The following COP1 variants were observed in gnomAD, a reference collection of about 807,000 sequenced individuals.
COP1 encodes the protein COP1 E3 ubiquitin ligase, also known as E3 ubiquitin-protein ligase COP1.
COP1 carries 24 observed loss-of-function variants against 101.3 expected under a neutral mutation model. That is an observed-to-expected ratio of 0.24 (90% CI 0.17 to 0.33). The LOEUF (loss-of-function observed/expected upper bound fraction) is 0.33, where lower values mean the gene tolerates loss of function less well. COP1 is among the 10% of genes least tolerant of loss of function. The pLI is 1.00. For missense variants in COP1, 663 were observed against 906.2 expected, an observed-to-expected ratio of 0.73 and a Z score of 3.45; for synonymous variants, 347 against 341.9, an observed-to-expected ratio of 1.01 and a Z score of -0.17.
intron 15 of COP1, among the ~76,000 whole-genome samples, chr1:176,004,933 GTT>G (rs1662724851): frequency 1.3e-5 from 2 of 151,696 alleles, no homozygotes; most frequent in Non-Finnish European, 2.9e-5. Flanking sequence ...AATGGTACCA[GTT>G]CCTCCTTGTA....
intron 18 of COP1, among the ~76,000 whole-genome samples, chr1:175,966,293 ACACACACAC>A (rs760247058): frequency 8.5e-6 from 1 of 118,192 alleles, no homozygotes; most frequent in East Asian, 2.0e-4. Flanking sequence ...ACACACACAC[ACACACACAC>A]ACACACACAC....
intron 1 of COP1, chr1:176,206,262 T>C: frequency 2.8e-6 from 1 of 359,142 alleles, no homozygotes. Context: ...CCAACTTTGT[T>C]ATCCAAAACC....
rs145632669 is a variant in COP1, at chr1:175,968,926, G to A, written c.2133+18017C>T. Among the ~76,000 whole-genome samples, 400 of 152,274 alleles carry A rather than the reference G, an allele frequency of 2.6e-3. 3 individuals are homozygous for A. Among genetic ancestry groups the A allele is most frequent in the African/African-American group, 9.2e-3 (382 of 41,546 alleles). On this transcript the variant is annotated intron_variant, in intron 18 of 19. Coordinates refer to ENST00000367669, the MANE Select transcript of COP1 (RefSeq NM_022457.7). Reference sequence around the variant, plus strand: ...TTAATATCTCTGGATGATCTTCTGAGTAAAGCTTGAGAAAAATGTGCTTAC... The same window carrying A: ...TTAATATCTCTGGATGATCTTCTGAATAAAGCTTGAGAAAAATGTGCTTAC...
chr1:176,056,260 T>C (rs1198533132), intron 11 of COP1, among the ~76,000 whole-genome samples: 1 of 152,232 alleles, frequency 6.6e-6, no homozygotes, highest in Non-Finnish European at 1.5e-5. Context: ...AGAAGGTATA[T>C]TCTTTATAAA....
chr1:176,203,423 C>T (rs1057045667), intron 1 of COP1, among the ~76,000 whole-genome samples: 8 of 152,194 alleles, frequency 5.3e-5, no homozygotes, highest in Non-Finnish European at 1.0e-4. Flanking sequence ...ATGGCTGGGA[C>T]TTGCAGAGGT....
chr1:175,955,777 C>CACACAA (rs1650563380), intron 18 of COP1, among the ~76,000 whole-genome samples: 1 of 149,602 alleles, frequency 6.7e-6, no homozygotes, highest in Admixed American at 6.6e-5. Flanking sequence ...CACACACACA[C>CACACAA]ACACACACAC....
rs145148561 is a variant in COP1, at chr1:175,988,745, A to G, written c.1848-333T>C. On this transcript the variant is annotated intron_variant, in intron 16 of 19. Coordinates refer to ENST00000367669, the MANE Select transcript of COP1 (RefSeq NM_022457.7). Reference sequence around the variant, plus strand: ...CTACTTGGGAGGCTGAGGCAGGAGAATCACTTGAACCTGGGGGGCAGATGC... The same window carrying G: ...CTACTTGGGAGGCTGAGGCAGGAGAGTCACTTGAACCTGGGGGGCAGATGC... 3.9e-3 allele frequency: 711 copies of G among 183,160 alleles called. 7 individuals carry two copies. Among genetic ancestry groups the G allele is most frequent in the African/African-American group, 0.015 (655 of 42,800 alleles). The allele number at this position is 183,160 out of a possible 1,614,324, so 11.3% of individuals were successfully genotyped here.
chr1:176,117,632 C>T (rs770496801), intron 8 of COP1, among the ~76,000 whole-genome samples: 4 of 152,202 alleles, frequency 2.6e-5, no homozygotes, highest in South Asian at 2.1e-4. Flanking sequence ...CGGTCGCTCA[C>T]GCCTGTAATC....
chr1:176,186,683 C>T (rs1353900430), intron 1 of COP1, among the ~76,000 whole-genome samples: 9 of 152,284 alleles, frequency 5.9e-5, no homozygotes. Flanking sequence ...TGAACCAGAT[C>T]ATTCTACCTG....
chr1:176,206,983 A>G lies in COP1; in HGVS notation c.-5T>C. On this transcript the variant is annotated 5_prime_UTR_variant, in exon 1 of 20. Transcript: ENST00000367669. ...GGCCTGGCGGCTACCAGACATCGTGACTCCCTCCCCTCCAGCCGGGCGCTC... is the reference window on the plus strand; with the variant it reads ...GGCCTGGCGGCTACCAGACATCGTGGCTCCCTCCCCTCCAGCCGGGCGCTC... The G allele has an allele frequency of 7.3e-7, 1 of 1,371,686 alleles. No individual in the cohort carries two copies. The highest frequency in any genetic ancestry group is 9.4e-7 in the Non-Finnish European group (1 of 1,066,426). The allele number at this position is 1,371,686 out of a possible 1,614,324, so 85.0% of individuals were successfully genotyped here.
At chr1:176,027,057 G>T (rs930311740) in intron 15 of COP1, among the ~76,000 whole-genome samples, 1 of 152,070 alleles carries the variant, frequency 6.6e-6, no homozygotes, top group Non-Finnish European at 1.5e-5. Flanking sequence ...TTTACCAAAT[G>T]ATTATTTGGT....
chr1:176,058,289 G>T (rs1405238840), intron 11 of COP1, among the ~76,000 whole-genome samples: 2 of 152,132 alleles, frequency 1.3e-5, no homozygotes, highest in African/African-American at 4.8e-5. Flanking sequence ...CATTGAGAAC[G>T]GGCCATGATG....
At chr1:176,052,138 C>T (rs1248899083) in intron 11 of COP1, among the ~76,000 whole-genome samples, 1 of 152,106 alleles carries the variant, frequency 6.6e-6, no homozygotes, top group Non-Finnish European at 1.5e-5. Flanking sequence ...GCCCTATACA[C>T]GTGTACCAGT....
At chr1:176,021,676 A>G (rs1666773334) in intron 15 of COP1, among the ~76,000 whole-genome samples, 1 of 152,212 alleles carries the variant, frequency 6.6e-6, no homozygotes, top group African/African-American at 2.4e-5. Flanking sequence ...CAATGATAGG[A>G]AAGAACTGAA....
chr1:176,120,916 G>A (rs538294048), intron 8 of COP1, among the ~76,000 whole-genome samples: 14 of 152,034 alleles, frequency 9.2e-5, no homozygotes, highest in African/African-American at 3.4e-4. Context: ...ATTTTTAATC[G>A]ATGAGCAAAA....
At chr1:176,161,526 G>T (rs977781940) in intron 5 of COP1, among the ~76,000 whole-genome samples, 9 of 152,002 alleles carry the variant, frequency 5.9e-5, no homozygotes, top group African/African-American at 2.2e-4. Context: ...TGAGCCCAGG[G>T]GGTAGAGGAT....
chr1:176,002,246 T>C (rs1310053130), intron 15 of COP1, among the ~76,000 whole-genome samples: 7 of 152,162 alleles, frequency 4.6e-5, no homozygotes, highest in Non-Finnish European at 1.0e-4. Context: ...TCCAGGTTTG[T>C]GAAGTTCATT....
intron 12 of COP1, 23 bp downstream of exon 12, chr1:176,046,158 T>C (rs781250425): frequency 3.8e-6 from 6 of 1,582,818 alleles, no homozygotes; most frequent in Non-Finnish European, 5.2e-6. Context: ...TACTGCATCA[T>C]GTCAAGAAAA....
chr1:176,046,130 T>G, intron 12 of COP1, 51 bp downstream of exon 12: 2 of 1,421,664 alleles, frequency 1.4e-6, no homozygotes, highest in East Asian at 2.3e-5. Context: ...TAATTACATA[T>G]GCAAATTGTT....
Sources: allele counts gnomAD v4.1 joint callset (sites outside exome capture counted in the v4.1 genomes callset), GRCh38; gene constraint gnomAD v4.1.1; transcripts MANE v1.5; gene names NCBI Gene and HGNC (gene_info 2026-07-23, HGNC 2026-07-21).